The following OR56A3 variants were observed in gnomAD, a reference collection of about 807,000 sequenced individuals.
The protein encoded by OR56A3 is olfactory receptor 56A3.
OR56A3 carries 23 observed loss-of-function variants against 17.5 expected under a neutral mutation model. The ratio of observed to expected loss-of-function variants is 1.32; its 90% CI spans 0.95 to 1.87. OR56A3 has a LOEUF of 1.87. OR56A3 is among the 40% of genes most tolerant of loss of function. OR56A3 has a pLI of 0.00. For synonymous variants in OR56A3, 175 were observed against 150.6 expected (o/e 1.16, Z -1.19); for missense variants, 366 against 380.1 (o/e 0.96, Z 0.31).
chr11:5,960,553 A>C, the OR56A3 span, among the ~76,000 whole-genome samples: 5 of 152,114 alleles, frequency 3.3e-5, no homozygotes, highest in East Asian at 9.7e-4. Context: ...AGTCTCGCTC[A>C]CTCAGTGCTC....
intron 1 of OR56A3, among the ~76,000 whole-genome samples, chr11:5,943,950 A>G (rs1847854208): frequency 6.6e-6 from 1 of 152,338 alleles, no homozygotes; most frequent in East Asian, 1.9e-4. Context: ...GGTTGGGTCA[A>G]TTATGCCAAG....
the OR56A3 span, among the ~76,000 whole-genome samples, chr11:6,006,626 C>A: frequency 6.6e-6 from 1 of 152,168 alleles, no homozygotes; most frequent in Non-Finnish European, 1.5e-5. Flanking sequence ...TATGACCTAG[C>A]TAGGCACAGA....
the OR56A3 span, among the ~76,000 whole-genome samples, chr11:5,963,357 CAGG>C: frequency 2.0e-5 from 3 of 152,112 alleles, no homozygotes; most frequent in Non-Finnish European, 4.4e-5. Flanking sequence ...CTGTATCCCA[CAGG>C]TCTGTAGTAA....
At chr11:5,992,864 T>C in the OR56A3 span, among the ~76,000 whole-genome samples, 2 of 152,188 alleles carry the variant, frequency 1.3e-5, no homozygotes, top group African/African-American at 4.8e-5. Flanking sequence ...CACAATCTCC[T>C]TGGGAATAAA....
chr11:5,967,504 T>A, the OR56A3 span: 1 of 1,276,930 alleles, frequency 7.8e-7, no homozygotes, highest in Non-Finnish European at 1.1e-6. Flanking sequence ...ACAATTATTC[T>A]CCAATATCAA....
At chr11:6,015,735 C>G in the OR56A3 span, among the ~76,000 whole-genome samples, 1 of 152,190 alleles carries the variant, frequency 6.6e-6, no homozygotes, top group Admixed American at 6.5e-5. Flanking sequence ...TCCATGGGGC[C>G]TGTAGCACTT....
chr11:5,994,696 A>G, the OR56A3 span: 1 of 829,346 alleles, frequency 1.2e-6, no homozygotes, highest in Non-Finnish European at 2.1e-6. Flanking sequence ...CAAGACGGGC[A>G]TTGTCGATTT....
the OR56A3 span, among the ~76,000 whole-genome samples, chr11:5,980,578 A>G: frequency 6.6e-6 from 1 of 152,110 alleles, no homozygotes; most frequent in Non-Finnish European, 1.5e-5. Flanking sequence ...ATGTCATTGT[A>G]TGTGAGACAA....
At chr11:6,007,061 T>G in the OR56A3 span, 3 of 152,238 alleles carry the variant, frequency 2.0e-5, no homozygotes, top group African/African-American at 7.2e-5. Context: ...ACCTGGATCC[T>G]GGGGCCCTAT....
At chr11:5,969,797 TA>T in the OR56A3 span, among the ~76,000 whole-genome samples, 1 of 152,194 alleles carries the variant, frequency 6.6e-6, no homozygotes, top group East Asian at 1.9e-4. Context: ...AAAGGACATC[TA>T]AAAGGGGACA....
the OR56A3 span, chr11:6,002,682 A>G: frequency 1.2e-6 from 2 of 1,614,266 alleles, no homozygotes; most frequent in African/African-American, 1.3e-5. Context: ...CATGATGAAC[A>G]TCTGGAGGAA....
downstream of OR56A3, among the ~76,000 whole-genome samples, chr11:5,954,270 C>A (rs1284133403): frequency 6.6e-6 from 1 of 152,122 alleles, no homozygotes; most frequent in Non-Finnish European, 1.5e-5. Flanking sequence ...TAAGACTGTG[C>A]CTTTTTATCT....
At chr11:6,018,777 C>T in the OR56A3 span, among the ~76,000 whole-genome samples, 1 of 151,774 alleles carries the variant, frequency 6.6e-6, no homozygotes, top group Non-Finnish European at 1.5e-5. Flanking sequence ...AATTGATAAA[C>T]CTCTAGCTAG....
the OR56A3 span, among the ~76,000 whole-genome samples, chr11:5,984,103 G>T: frequency 1.3e-5 from 2 of 152,170 alleles, no homozygotes; most frequent in African/African-American, 4.8e-5. Context: ...GTAGGAAGAG[G>T]TGCAAAGATT....
chr11:5,956,360 C>A, the OR56A3 span, among the ~76,000 whole-genome samples: 2 of 152,048 alleles, frequency 1.3e-5, no homozygotes, highest in Non-Finnish European at 2.9e-5. Context: ...TGAGTACTGG[C>A]AGTCTCCTCT....
At chr11:6,002,123 C>A in the OR56A3 span, 1 of 1,613,704 alleles carries the variant, frequency 6.2e-7, no homozygotes, top group African/African-American at 1.3e-5. Context: ...CAATGGGGTT[C>A]AGAGCTGGGG....
At chr11:5,961,379 G>A in the OR56A3 span, among the ~76,000 whole-genome samples, 1 of 152,210 alleles carries the variant, frequency 6.6e-6, no homozygotes, top group Non-Finnish European at 1.5e-5. Flanking sequence ...GTAGACATAG[G>A]AGACTCCATT....
At chr11:6,020,947 T>C in the OR56A3 span, 1 of 152,004 alleles carries the variant, frequency 6.6e-6, no homozygotes, top group Non-Finnish European at 1.5e-5. Flanking sequence ...AAGAGAAAAT[T>C]TTAGAATTTC....
At chr11:6,012,872 C>T in the OR56A3 span, among the ~76,000 whole-genome samples, 6 of 152,392 alleles carry the variant, frequency 3.9e-5, no homozygotes, top group African/African-American at 1.4e-4. Context: ...AGGGCCTGAG[C>T]ATGTGCACAC....
Sources: allele counts gnomAD v4.1 joint callset (sites outside exome capture counted in the v4.1 genomes callset), GRCh38; gene constraint gnomAD v4.1.1; transcripts MANE v1.5; gene names NCBI Gene and HGNC (gene_info 2026-07-23, HGNC 2026-07-21).